The following LRMDA variants were observed in gnomAD, a reference collection of about 807,000 sequenced individuals.
The protein encoded by LRMDA is leucine rich melanocyte differentiation associated.
In LRMDA, 18 loss-of-function variants were observed where a neutral mutation model predicts 29.8. The ratio of observed to expected loss-of-function variants is 0.60; its 90% CI spans 0.42 to 0.90. The LOEUF (loss-of-function observed/expected upper bound fraction) is 0.90, where lower values mean the gene tolerates loss of function less well. Among genes scored for constraint, LRMDA ranks in the 40% least tolerant of loss-of-function variants. LRMDA has a pLI of 0.00. For missense variants in LRMDA, 273 were observed against 273.9 expected, an observed-to-expected ratio of 1.00 and a Z score of 0.02; for synonymous variants, 125 against 109.4, an observed-to-expected ratio of 1.14 and a Z score of -0.89.
At chr10:76,368,313 A>T (rs1477966170) in intron 6 of LRMDA, among the ~76,000 whole-genome samples, 1 of 152,084 alleles carries the variant, frequency 6.6e-6, no homozygotes, top group East Asian at 1.9e-4. Context: ...ATTGTCATTC[A>T]GTTTGAAGCA....
intron 2 of LRMDA, among the ~76,000 whole-genome samples, chr10:75,583,418 T>C (rs1009856456): frequency 1.3e-5 from 2 of 152,146 alleles, no homozygotes; most frequent in East Asian, 3.9e-4. Context: ...GAATTTCACA[T>C]GGCTGGGAGC....
At chr10:76,105,857 C>T (rs1383209176) in intron 5 of LRMDA, among the ~76,000 whole-genome samples, 2 of 152,228 alleles carry the variant, frequency 1.3e-5, no homozygotes, top group Non-Finnish European at 2.9e-5. Context: ...AGCAATTCTC[C>T]TGTCTCAGCC....
At chr10:75,564,292 G>C (rs1218565870) in intron 2 of LRMDA, among the ~76,000 whole-genome samples, 2 of 152,228 alleles carry the variant, frequency 1.3e-5, no homozygotes, top group East Asian at 3.9e-4. Context: ...TCAGACTGCT[G>C]TGCTGGCAAT....
At chr10:75,602,172 A>C (rs1049169306) in intron 2 of LRMDA, among the ~76,000 whole-genome samples, 1 of 151,520 alleles carries the variant, frequency 6.6e-6, no homozygotes, top group Non-Finnish European at 1.5e-5. Context: ...TGAGTTTCTT[A>C]TTAGGAGGAA....
chr10:76,211,521 G>A (rs16933051), intron 5 of LRMDA, among the ~76,000 whole-genome samples: 2,033 of 152,336 alleles, frequency 0.013, 46 homozygotes, highest in African/African-American at 0.047. Flanking sequence ...CCTCTAGCCA[G>A]AGAGAATTCA....
chr10:75,590,815 C>T (rs1840714658), intron 2 of LRMDA, among the ~76,000 whole-genome samples: 1 of 135,366 alleles, frequency 7.4e-6, no homozygotes, highest in Non-Finnish European at 1.5e-5. Flanking sequence ...GTGGCATAAT[C>T]TCATCTCACT....
chr10:75,838,775 C>A (rs1844485363), intron 2 of LRMDA, among the ~76,000 whole-genome samples: 1 of 152,208 alleles, frequency 6.6e-6, no homozygotes, highest in Admixed American at 6.5e-5. Context: ...AAGAGTATTT[C>A]CTGGTTTCTT....
chr10:75,546,012 A>G (rs1221113090), intron 2 of LRMDA, among the ~76,000 whole-genome samples: 1 of 152,210 alleles, frequency 6.6e-6, no homozygotes, highest in East Asian at 1.9e-4. Context: ...TGGAAAGAGC[A>G]GAAGCTTTAT....
intron 5 of LRMDA, among the ~76,000 whole-genome samples, chr10:76,277,420 A>G (rs1224792677): frequency 6.6e-6 from 1 of 152,198 alleles, no homozygotes; most frequent in Admixed American, 6.5e-5. Context: ...CTCTCATGCA[A>G]GAGGCAGGCT....
intron 2 of LRMDA, among the ~76,000 whole-genome samples, chr10:75,860,499 TTTG>T: frequency 6.6e-6 from 1 of 151,950 alleles, no homozygotes; most frequent in Non-Finnish European, 1.5e-5. Flanking sequence ...TTTTTGTATT[TTTG>T]GTAGAGACAG....
intron 6 of LRMDA, among the ~76,000 whole-genome samples, chr10:76,513,718 C>A (rs767824179): frequency 7.2e-5 from 11 of 152,112 alleles, no homozygotes; most frequent in Non-Finnish European, 1.5e-4. Context: ...ATAATGCATT[C>A]AAGTCTACTT....
At chr10:76,238,221 G>A (rs1852197232) in intron 5 of LRMDA, among the ~76,000 whole-genome samples, 2 of 152,122 alleles carry the variant, frequency 1.3e-5, no homozygotes, top group African/African-American at 4.8e-5. Context: ...CTCAGAGATT[G>A]CCATGGCACA....
At chr10:75,439,439 C>G (rs937358604) in intron 2 of LRMDA, among the ~76,000 whole-genome samples, 1 of 152,178 alleles carries the variant, frequency 6.6e-6, no homozygotes, top group African/African-American at 2.4e-5. Context: ...TCATTTCCCA[C>G]AGCTGAGTCA....
chr10:76,379,825 T>A (rs143388183), intron 6 of LRMDA, among the ~76,000 whole-genome samples: 2,618 of 152,320 alleles, frequency 0.017, 42 homozygotes, highest in Non-Finnish European at 0.025. Context: ...TTTTGATCTA[T>A]CTTTTGAATA....
At chr10:75,494,840 A>G (rs1206951109) in intron 2 of LRMDA, among the ~76,000 whole-genome samples, 3 of 152,128 alleles carry the variant, frequency 2.0e-5, no homozygotes, top group Non-Finnish European at 4.4e-5. Context: ...CTAGAGGCTG[A>G]CAGCCTAGGG....
intron 6 of LRMDA, among the ~76,000 whole-genome samples, chr10:76,443,612 T>G (rs1589189852): frequency 6.6e-6 from 1 of 152,192 alleles, no homozygotes; most frequent in South Asian, 2.1e-4. Flanking sequence ...TACAGCATAG[T>G]GTAGAGTTTA....
rs1845559561 is a variant in LRMDA, at chr10:75,895,027, G to A, written c.132-140981G>A. ...GGTAGGATTTGTTTGGATGAAAAGT[G>A]GAAATCCAGTGGGAAAGGGACAGCT... On this transcript the variant is annotated intron_variant, in intron 2 of 6. Coordinates refer to ENST00000611255, the MANE Select transcript of LRMDA (RefSeq NM_001305581.2). Among the ~76,000 whole-genome samples, 5 of 152,122 alleles carry A rather than the reference G, an allele frequency of 3.3e-5. No individual in the cohort carries two copies. The South Asian group carries it at 1.0e-3, about 32-fold the overall frequency.
intron 2 of LRMDA, among the ~76,000 whole-genome samples, chr10:75,880,074 T>G (rs1335373223): frequency 6.6e-6 from 1 of 152,258 alleles, no homozygotes; most frequent in East Asian, 1.9e-4. Flanking sequence ...AAAAAATCAT[T>G]GCTGTTTGTC....
At chr10:75,933,784 GT>G (rs1846242648) in intron 2 of LRMDA, among the ~76,000 whole-genome samples, 1 of 152,134 alleles carries the variant, frequency 6.6e-6, no homozygotes, top group Non-Finnish European at 1.5e-5. Flanking sequence ...TTGGGGATAT[GT>G]TTTTTAGGTG....
Sources: allele counts gnomAD v4.1 joint callset (sites outside exome capture counted in the v4.1 genomes callset), GRCh38; gene constraint gnomAD v4.1.1; transcripts MANE v1.5; gene names NCBI Gene and HGNC (gene_info 2026-07-23, HGNC 2026-07-21).